The following ZNF398 variants were observed in gnomAD, a reference collection of about 807,000 sequenced individuals.
The protein encoded by ZNF398 is zinc finger protein 398, also known as zinc finger DNA binding protein ZER6.
A neutral mutation model predicts 41.9 loss-of-function variants in ZNF398; 18 were observed. The ratio of observed to expected loss-of-function variants is 0.43; its 90% CI spans 0.30 to 0.64. The LOEUF is 0.64. Ranked by LOEUF, ZNF398 falls within the 30% of genes least tolerant of loss-of-function variation. The pLI is 0.14. For synonymous variants in ZNF398, 260 were observed against 308.8 expected (o/e 0.84, Z 1.66); for missense variants, 669 against 822.8 (o/e 0.81, Z 2.29).
chr7:149,141,869 G>A (rs1403484803), intron 2 of ZNF398, among the ~76,000 whole-genome samples: 5 of 151,890 alleles, frequency 3.3e-5, no homozygotes, highest in African/African-American at 1.2e-4. Flanking sequence ...GATTACAGGC[G>A]TGAGCCACTG....
At chr7:149,170,380 A>G (rs1795310055) in intron 4 of ZNF398, among the ~76,000 whole-genome samples, 1 of 152,146 alleles carries the variant, frequency 6.6e-6, no homozygotes, top group South Asian at 2.1e-4. Flanking sequence ...ATTGTAACAC[A>G]ATGGTAATTG....
upstream of ZNF398, among the ~76,000 whole-genome samples, chr7:149,143,612 G>A (rs961542282): frequency 7.9e-5 from 12 of 152,268 alleles, 1 homozygote; most frequent in African/African-American, 2.6e-4. Flanking sequence ...TCAGTAGTTC[G>A]AGACCAGCCT....
At chr7:149,168,615 C>A (rs12540644) in intron 4 of ZNF398, among the ~76,000 whole-genome samples, 1 of 151,884 alleles carries the variant, frequency 6.6e-6, no homozygotes, top group Non-Finnish European at 1.5e-5. Flanking sequence ...GTCGCCCAGG[C>A]TAGAGTGCAG....
At chr7:149,160,367 C>T (rs935398313) in intron 2 of ZNF398, among the ~76,000 whole-genome samples, 5 of 152,114 alleles carry the variant, frequency 3.3e-5, no homozygotes, top group African/African-American at 1.2e-4. Context: ...GGAAGCGGAG[C>T]TTGCAGTGAG....
chr7:149,156,350 C>CA (rs1401734169), intron 2 of ZNF398, among the ~76,000 whole-genome samples: 5 of 150,320 alleles, frequency 3.3e-5, no homozygotes, highest in African/African-American at 9.8e-5. Flanking sequence ...ACTAAAAATA[C>CA]AAAAAAATTA....
chr7:149,135,888 G>A (rs143567305), intron 2 of ZNF398, among the ~76,000 whole-genome samples: 169 of 152,116 alleles, frequency 1.1e-3, no homozygotes, highest in African/African-American at 3.7e-3. Context: ...CCCAGGAGGC[G>A]GACGTTGCAG....
Position 149,179,257 on chromosome 7 carries a change from G to A in ZNF398, c.1385G>A (p.Arg462Lys). 1 of 1,613,294 alleles carries A rather than the reference G, an allele frequency of 6.2e-7. No homozygotes were observed. The highest frequency in any genetic ancestry group is 1.6e-4 in the Middle Eastern group (1 of 6,062). ...ERPFRCAQCG[R>K]SFSLKISLLL... ...CCCTTCCGCTGTGCCCAGTGCGGCA[G>A]GAGCTTCAGCTTGAAAATCAGCCTC... Residue 462 changes from arginine to lysine, a missense_variant, in exon 6 of 6, where the codon AGG (arginine) becomes AAG (lysine). This residue lies in a region of ZNF398 where 210 missense variants were observed against 290.4 expected (regional missense o/e 0.72). Coordinates refer to ENST00000475153, the MANE Select transcript of ZNF398 (RefSeq NM_170686.3). This position sits in a 1 kb window ranked among gnomAD's most constrained non-coding sequence, Gnocchi z 6.1.
intron 2 of ZNF398, among the ~76,000 whole-genome samples, chr7:149,158,175 A>G (rs773075922): frequency 1.3e-5 from 2 of 152,192 alleles, no homozygotes; most frequent in African/African-American, 2.4e-5. Context: ...CACAGGGCCA[A>G]GGAGAAAAAA....
chr7:149,158,848 AG>A (rs1457496497), intron 2 of ZNF398, among the ~76,000 whole-genome samples: 3 of 147,976 alleles, frequency 2.0e-5, no homozygotes, highest in Non-Finnish European at 3.0e-5. Context: ...AAAAAAAAAA[AG>A]AAAATTAGTA....
upstream of ZNF398, among the ~76,000 whole-genome samples, chr7:149,144,367 G>A (rs988697688): frequency 6.6e-6 from 1 of 151,936 alleles, no homozygotes; most frequent in Non-Finnish European, 1.5e-5. Context: ...CTGGAGTGCA[G>A]TGGTATTATT....
intron 2 of ZNF398, among the ~76,000 whole-genome samples, chr7:149,131,151 A>G (rs1352091676): frequency 6.6e-6 from 1 of 152,140 alleles, no homozygotes; most frequent in African/African-American, 2.4e-5. Flanking sequence ...ATTCAAAGAA[A>G]CCATAAACAT....
In ZNF398 at chr7:149,181,915, C is replaced by T. The variant is rs772755500; in HGVS notation, c.*2114C>T. On this transcript the variant is annotated 3_prime_UTR_variant, in exon 6 of 6. Coordinates refer to ENST00000475153, the MANE Select transcript of ZNF398 (RefSeq NM_170686.3). ...GAATGTGAGATTCAGCTCTAGTTTG[C>T]ACCTTGATTTCCCCAGTGAAAAGGG... is the stretch of plus-strand genomic sequence containing the variant. 6.6e-6 allele frequency: 1 copy of T among 152,168 alleles called. No individual in the cohort carries two copies. Among genetic ancestry groups the T allele is most frequent in the Non-Finnish European group, 1.5e-5 (1 of 68,032 alleles). The allele number at this position is 152,168 out of a possible 1,614,324, so 9.4% of individuals were successfully genotyped here.
chr7:149,170,137 C>T (rs1319037492), intron 4 of ZNF398, among the ~76,000 whole-genome samples: 1 of 152,176 alleles, frequency 6.6e-6, no homozygotes. Flanking sequence ...AAGGAAAGCA[C>T]GTGTTCTGCA....
At chr7:149,135,389 CAAAAAAA>C (rs777888671) in intron 2 of ZNF398, among the ~76,000 whole-genome samples, 1 of 61,408 alleles carries the variant, frequency 1.6e-5, no homozygotes, top group Non-Finnish European at 3.1e-5. Context: ...GACTCTGTCT[CAAAAAAA>C]AAAAAAAAAA....
chr7:149,142,516 A>C (rs1826847337), upstream of ZNF398, among the ~76,000 whole-genome samples: 1 of 152,090 alleles, frequency 6.6e-6, no homozygotes, highest in African/African-American at 2.4e-5. Context: ...AAATACAAAA[A>C]ATTAGCCGGG....
At chr7:149,145,132 T>C (rs756085368), upstream of ZNF398, among the ~76,000 whole-genome samples, 13 of 152,136 alleles carry the variant, frequency 8.5e-5, no homozygotes, top group Non-Finnish European at 1.9e-4. Flanking sequence ...AACAGGATAG[T>C]TCTCATACTT....
intron 2 of ZNF398, among the ~76,000 whole-genome samples, chr7:149,163,173 A>C (rs962087554): frequency 7.2e-5 from 11 of 152,044 alleles, no homozygotes; most frequent in African/African-American, 2.7e-4. Context: ...AGCCACAATC[A>C]AACAATGAAC....
chr7:149,142,873 G>A (rs953344736), upstream of ZNF398, among the ~76,000 whole-genome samples: 27 of 152,064 alleles, frequency 1.8e-4, no homozygotes, highest in African/African-American at 6.0e-4. Flanking sequence ...CACGAACGTC[G>A]AATTTCCCAT....
chr7:149,159,524 T>C (rs1381323170), intron 2 of ZNF398, among the ~76,000 whole-genome samples: 1 of 151,672 alleles, frequency 6.6e-6, no homozygotes, highest in Non-Finnish European at 1.5e-5. Flanking sequence ...GGCGGGTGCC[T>C]GTAGTCCCAG....
Sources: gnomAD v4.1 joint callset for allele counts (sites outside exome capture counted in the v4.1 genomes callset) on GRCh38, gnomAD v4.1.1 for gene constraint, gnomAD v4.1.1 regional missense constraint, Gnocchi (gnomAD v3.1) non-coding constraint, MANE v1.5 for transcripts, NCBI Gene and HGNC (gene_info 2026-07-23, HGNC 2026-07-21) for gene names.